CCSER1: variants seen among roughly 807,000 people sequenced by gnomAD.
CCSER1 encodes serine-rich coiled-coil domain-containing protein 1.
CCSER1 carries 41 observed loss-of-function variants against 82.0 expected under a neutral mutation model. The ratio of observed to expected loss-of-function variants is 0.50; its 90% CI spans 0.39 to 0.65. The LOEUF is 0.65. Among genes scored for constraint, CCSER1 ranks in the 30% least tolerant of loss-of-function variants. The pLI, the probability that CCSER1 is intolerant of heterozygous loss-of-function variation, is 0.00. For missense variants in CCSER1, 1,119 were observed against 1,064.2 expected (o/e 1.05, Z -0.72); for synonymous variants, 414 against 383.9 (o/e 1.08, Z -0.92).
intron 8 of CCSER1, among the ~76,000 whole-genome samples, chr4:90,871,651 A>G (rs951027580): frequency 1.6e-4 from 24 of 151,888 alleles, no homozygotes; most frequent in African/African-American, 7.2e-5. Context: ...CCATTGGATG[A>G]AACATTCTGT....
At chr4:90,674,317 T>A (rs1171693173) in intron 6 of CCSER1, among the ~76,000 whole-genome samples, 1 of 151,942 alleles carries the variant, frequency 6.6e-6, no homozygotes, top group East Asian at 1.9e-4. Flanking sequence ...AGTTATATAG[T>A]TTGAAATCCC....
At chr4:91,090,856 C>T (rs536368389) in intron 10 of CCSER1, among the ~76,000 whole-genome samples, 2 of 152,310 alleles carry the variant, frequency 1.3e-5, no homozygotes, top group East Asian at 3.9e-4. Context: ...ATATTTACCT[C>T]AGGGTCTAGT....
intron 10 of CCSER1, among the ~76,000 whole-genome samples, chr4:91,520,198 T>G (rs762752547): frequency 9.2e-5 from 14 of 151,462 alleles, no homozygotes; most frequent in African/African-American, 2.2e-4. Context: ...TGTTTTTGAG[T>G]TTTTTTTTCT....
chr4:91,012,368 G>A (rs1203534760), intron 9 of CCSER1, among the ~76,000 whole-genome samples: 3 of 134,174 alleles, frequency 2.2e-5, no homozygotes, highest in African/African-American at 7.4e-5. Context: ...GCAGCACTGT[G>A]CAGCTTTACC....
intron 4 of CCSER1, among the ~76,000 whole-genome samples, chr4:90,446,657 A>G (rs74844510): frequency 0.012 from 1,812 of 152,284 alleles, 16 homozygotes; most frequent in South Asian, 0.022. Context: ...TTAAGGAAAA[A>G]TATAAATACA....
At chr4:91,436,604 A>G (rs573141415) in intron 10 of CCSER1, among the ~76,000 whole-genome samples, 20 of 152,330 alleles carry the variant, frequency 1.3e-4, no homozygotes, top group African/African-American at 4.1e-4. Flanking sequence ...AATGCTGCCA[A>G]TGTTAATAAT....
At chr4:90,982,552 A>G (rs1420429027) in intron 9 of CCSER1, among the ~76,000 whole-genome samples, 5 of 151,784 alleles carry the variant, frequency 3.3e-5, no homozygotes, top group Non-Finnish European at 7.4e-5. Context: ...AGAATGCTAG[A>G]TGAGATCCAA....
chr4:90,437,430 A>C (rs1479662351), intron 4 of CCSER1, among the ~76,000 whole-genome samples: 1 of 152,168 alleles, frequency 6.6e-6, no homozygotes, highest in African/African-American at 2.4e-5. Flanking sequence ...ATATGATGAG[A>C]TAGGAATACA....
chr4:91,306,647 G>GA (rs1342708524), intron 10 of CCSER1, among the ~76,000 whole-genome samples: 1 of 151,796 alleles, frequency 6.6e-6, no homozygotes, highest in Non-Finnish European at 1.5e-5. Flanking sequence ...AAGCTGGAAA[G>GA]AAAAAAATCA....
chr4:91,141,153 CTT>C (rs113600364), intron 10 of CCSER1, among the ~76,000 whole-genome samples: 11 of 144,376 alleles, frequency 7.6e-5, no homozygotes, highest in East Asian at 4.1e-4. Context: ...TGATTTCATT[CTT>C]TTTTTTTTTT....
chr4:91,200,664 T>C lies in CCSER1; in HGVS notation c.2217+114670T>C, dbSNP rs116402824. ...AGTAATCTATGATACGTAATTTTAC[T>C]ATCCTGATGTGAAACAAGTAGAGTG... On this transcript the variant is annotated intron_variant, in intron 10 of 10. Coordinates refer to ENST00000509176, the MANE Select transcript of CCSER1 (RefSeq NM_001145065.2). Among the ~76,000 whole-genome samples, 701 of 152,144 alleles carry C rather than the reference T, an allele frequency of 4.6e-3. 2 individuals are homozygous for C. Among genetic ancestry groups the C allele is most frequent in the African/African-American group, 0.016 (663 of 41,558 alleles).
intron 5 of CCSER1, among the ~76,000 whole-genome samples, chr4:90,574,295 T>C (rs1384727425): frequency 1.5e-5 from 2 of 134,602 alleles, no homozygotes; most frequent in African/African-American, 2.8e-5. Flanking sequence ...GGAGTCTCGC[T>C]CTGTCGCACA....
chr4:91,144,585 GTAAGCATTTAGCACTA>G (rs971360774), intron 10 of CCSER1, among the ~76,000 whole-genome samples: 1 of 150,806 alleles, frequency 6.6e-6, no homozygotes, highest in African/African-American at 2.4e-5. Context: ...TCTTCTTGAT[GTAAGCATTTAGCACTA>G]TAACCTGTCC....
chr4:90,222,377 A>C (rs184759849), intron 1 of CCSER1, among the ~76,000 whole-genome samples: 7 of 152,286 alleles, frequency 4.6e-5, no homozygotes, highest in African/African-American at 1.7e-4. Flanking sequence ...ACATTGAAAC[A>C]TTTCCTATTG....
At chr4:90,552,205 G>A (rs1170039050) in intron 5 of CCSER1, among the ~76,000 whole-genome samples, 1 of 152,128 alleles carries the variant, frequency 6.6e-6, no homozygotes, top group East Asian at 1.9e-4. Context: ...GGGACACATT[G>A]AAATCATAGC....
chr4:91,083,853 A>G (rs766906159), intron 9 of CCSER1, among the ~76,000 whole-genome samples: 12 of 152,162 alleles, frequency 7.9e-5, no homozygotes, highest in Non-Finnish European at 1.5e-4. Context: ...AGTGTCAGTG[A>G]TTTTGGTGAC....
chr4:91,059,081 T>C (rs1743706394), intron 9 of CCSER1, among the ~76,000 whole-genome samples: 2 of 152,024 alleles, frequency 1.3e-5, no homozygotes, highest in African/African-American at 4.8e-5. Context: ...AAAAAAATCA[T>C]GACATTTGAA....
chr4:90,976,770 G>T (rs1735648936), intron 9 of CCSER1, among the ~76,000 whole-genome samples: 1 of 151,494 alleles, frequency 6.6e-6, no homozygotes. Flanking sequence ...TTATCAGCAA[G>T]TGTAGGTGAC....
rs1736125529 is a variant in CCSER1, at chr4:90,692,138, C to A, written c.1933-31776C>A. Among the ~76,000 whole-genome samples, 10 of 150,516 alleles carry A rather than the reference C, an allele frequency of 6.6e-5. No homozygotes were observed. The Admixed American group carries it at 6.7e-4, about 10-fold the overall frequency. On this transcript the variant is annotated intron_variant, in intron 6 of 10. Transcript: ENST00000509176. Reference sequence around the variant, plus strand: ...ATCTCTTATTTATGAAGGTATTTCTCATTCACAAATCTCATTATAAAGTTA... The same window carrying A: ...ATCTCTTATTTATGAAGGTATTTCTAATTCACAAATCTCATTATAAAGTTA...
Sources: allele counts gnomAD v4.1 joint callset (sites outside exome capture counted in the v4.1 genomes callset), GRCh38; gene constraint gnomAD v4.1.1; transcripts MANE v1.5; gene names NCBI Gene and HGNC (gene_info 2026-07-23, HGNC 2026-07-21).